RALB: variants seen among roughly 807,000 people sequenced by gnomAD.
RALB encodes RAS like proto-oncogene B.
A neutral mutation model predicts 21.3 loss-of-function variants in RALB; 16 were observed. The ratio of observed to expected loss-of-function variants is 0.75; its 90% CI spans 0.51 to 1.14. The LOEUF is 1.14. RALB is among the 50% of genes most tolerant of loss of function. The pLI, the probability that RALB is intolerant of heterozygous loss-of-function variation, is 0.00. For missense variants in RALB, 161 were observed against 256.2 expected (o/e 0.63, Z 2.54); for synonymous variants, 93 against 96.1 (o/e 0.97, Z 0.19).
At chr2:120,242,060 G>A (rs1241720204) in intron 1 of RALB, among the ~76,000 whole-genome samples, 3 of 152,192 alleles carry the variant, frequency 2.0e-5, no homozygotes. Flanking sequence ...TGGCACACGT[G>A]ATGGAATGAT....
chr2:120,275,138 T>C (rs545825897), intron 1 of RALB, among the ~76,000 whole-genome samples: 6 of 152,238 alleles, frequency 3.9e-5, no homozygotes, highest in Non-Finnish European at 8.8e-5. Context: ...AGCTTCCTTG[T>C]CATTTTCCTC....
upstream of RALB, among the ~76,000 whole-genome samples, chr2:120,250,724 G>C (rs1223831634): frequency 6.6e-6 from 1 of 152,192 alleles, no homozygotes; most frequent in Non-Finnish European, 1.5e-5. Context: ...AAACTCAGCA[G>C]ACAAGAGGTC....
At chr2:120,290,996 T>C (rs1337329830) in intron 4 of RALB, among the ~76,000 whole-genome samples, 2 of 152,240 alleles carry the variant, frequency 1.3e-5, no homozygotes, top group African/African-American at 4.8e-5. Flanking sequence ...TATCCTGTCT[T>C]CTGTTTCTCT....
chr2:120,245,084 G>GGCA (rs1688949887), intron 1 of RALB, among the ~76,000 whole-genome samples: 1 of 152,206 alleles, frequency 6.6e-6, no homozygotes, highest in South Asian at 2.1e-4. Context: ...TCTGGCTGCT[G>GGCA]GTGCCTGGCA....
intron 1 of RALB, among the ~76,000 whole-genome samples, chr2:120,242,369 A>G (rs1350460722): frequency 6.6e-6 from 1 of 152,226 alleles, no homozygotes; most frequent in Non-Finnish European, 1.5e-5. Context: ...TGAACTATAC[A>G]CTTAACAGCT....
At chr2:120,283,204 C>T (rs1690040848) in intron 2 of RALB, among the ~76,000 whole-genome samples, 1 of 152,158 alleles carries the variant, frequency 6.6e-6, no homozygotes, top group Non-Finnish European at 1.5e-5. Context: ...CTTGTCCAAC[C>T]TGTGGCTCAG....
chr2:120,257,906 A>C (rs1237339842), intron 1 of RALB, among the ~76,000 whole-genome samples: 1 of 152,216 alleles, frequency 6.6e-6, no homozygotes, highest in South Asian at 2.1e-4. Context: ...TTGCATGGCA[A>C]ACCTTTTAAA....
At chr2:120,292,789 T>TA (rs533564625) in intron 4 of RALB, among the ~76,000 whole-genome samples, 5 of 150,986 alleles carry the variant, frequency 3.3e-5, no homozygotes, top group South Asian at 2.1e-4. Context: ...CTGTCTGAAT[T>TA]TAAAAAAAAA....
chr2:120,285,570 T>TTAAA (rs1553525017), intron 2 of RALB, among the ~76,000 whole-genome samples: 1 of 151,428 alleles, frequency 6.6e-6, no homozygotes, highest in African/African-American at 2.4e-5. Context: ...AAAGTATAAT[T>TTAAA]AAAAAAGAAT....
intron 2 of RALB, among the ~76,000 whole-genome samples, chr2:120,279,334 A>G (rs1334555060): frequency 6.6e-6 from 1 of 152,162 alleles, no homozygotes; most frequent in Non-Finnish European, 1.5e-5. Context: ...CCGGAGCTAC[A>G]AAAGTCCCTG....
At chr2:120,277,469 T>A (rs1689835741) in intron 1 of RALB, among the ~76,000 whole-genome samples, 1 of 151,602 alleles carries the variant, frequency 6.6e-6, no homozygotes, top group Non-Finnish European at 1.5e-5. Context: ...AGCATGTATG[T>A]GGTGTGAGCA....
intron 1 of RALB, among the ~76,000 whole-genome samples, chr2:120,259,688 C>G (rs1035986573): frequency 5.3e-5 from 8 of 152,290 alleles, no homozygotes; most frequent in Non-Finnish European, 1.2e-4. Flanking sequence ...GCTGGCTTCA[C>G]CTAGTGGATC....
chr2:120,253,192 TG>T, intron 1 of RALB: 1 of 328,054 alleles, frequency 3.0e-6, no homozygotes, highest in Non-Finnish European at 4.4e-6. Flanking sequence ...CTCGGCTTCC[TG>T]GGCTGCCTGG....
intron 1 of RALB, among the ~76,000 whole-genome samples, chr2:120,273,227 G>A (rs973766507): frequency 6.6e-6 from 1 of 152,172 alleles, no homozygotes; most frequent in African/African-American, 2.4e-5. Context: ...AGGGGGTTAG[G>A]GAATGGGTGC....
At chr2:120,253,999 G>A (rs1264081863) in intron 1 of RALB, among the ~76,000 whole-genome samples, 2 of 152,180 alleles carry the variant, frequency 1.3e-5, no homozygotes, top group Non-Finnish European at 2.9e-5. Context: ...ATTGTTGGAT[G>A]TCAAAGCTCA....
At chr2:120,266,338 G>A (rs1689500778) in intron 1 of RALB, among the ~76,000 whole-genome samples, 1 of 152,176 alleles carries the variant, frequency 6.6e-6, no homozygotes, top group South Asian at 2.1e-4. Context: ...TCCACCTCCC[G>A]GGTTCAAGCG....
intron 2 of RALB, among the ~76,000 whole-genome samples, chr2:120,285,453 T>A (rs1415620714): frequency 1.3e-5 from 2 of 152,224 alleles, no homozygotes; most frequent in Non-Finnish European, 2.9e-5. Flanking sequence ...TCCAGTTTTT[T>A]GATATACCTA....
At chr2:120,256,875 G>A (rs1689212755) in intron 1 of RALB, among the ~76,000 whole-genome samples, 1 of 152,174 alleles carries the variant, frequency 6.6e-6, no homozygotes, top group African/African-American at 2.4e-5. Context: ...CTTTTTTAAG[G>A]TTTAGTCCAG....
In RALB at chr2:120,247,192, G is replaced by C. The variant is rs527328038; in HGVS notation, c.19+7067G>C. Among the ~76,000 whole-genome samples the C allele has an allele frequency of 1.2e-4, 19 of 152,334 alleles. 1 individual carries two copies. Among genetic ancestry groups the C allele is most frequent in the African/African-American group, 4.3e-4 (18 of 41,568 alleles). ...AGGACACGAGAGGACATGCAGTGGG[G>C]ATGAGCAATAGTGAGGAAGGCGTAT... On this transcript the variant is annotated intron_variant, in intron 1 of 3. Transcript: ENST00000447591.
Sources: gnomAD v4.1 joint callset for allele counts (sites outside exome capture counted in the v4.1 genomes callset) on GRCh38, gnomAD v4.1.1 for gene constraint, MANE v1.5 for transcripts, NCBI Gene and HGNC (gene_info 2026-07-23, HGNC 2026-07-21) for gene names.